Variants in COL25A1 observed in about 807,000 individuals in gnomAD.
The protein encoded by COL25A1 is collagen type XXV alpha 1 chain.
COL25A1 carries 103 observed loss-of-function variants against 128.4 expected under a neutral mutation model. The observed-to-expected ratio is 0.80, with a 90% confidence interval of 0.68 to 0.94. The LOEUF (loss-of-function observed/expected upper bound fraction) is 0.94. Ranked by LOEUF, COL25A1 falls within the 40% of genes least tolerant of loss-of-function variation. The pLI, the probability that COL25A1 is intolerant of heterozygous loss-of-function variation, is 0.00. For missense variants in COL25A1, 745 were observed against 840.0 expected (o/e 0.89, Z 1.40); for synonymous variants, 279 against 277.2 (o/e 1.01, Z -0.06).
At chr4:108,921,389 A>T (rs1249155303) in intron 11 of COL25A1, among the ~76,000 whole-genome samples, 2 of 89,998 alleles carry the variant, frequency 2.2e-5, no homozygotes, top group Non-Finnish European at 5.1e-5. Context: ...ACTCAAAGAG[A>T]TATAGCTATA....
Position 108,897,125 on chromosome 4 carries a change from C to T in COL25A1, c.862-414G>A, listed in dbSNP as rs778071613. 4.6e-5 allele frequency among the ~76,000 whole-genome samples: 7 copies of T among 152,120 alleles called. No homozygotes were observed. The East Asian group carries it at 5.8e-4, about 13-fold the overall frequency. ...CACCTGGATCCCTCCCCTCTCTTTC[C>T]CTTTCCATCTGTATAAATCCTGTCC... On this transcript the variant is annotated intron_variant, in intron 15 of 37. Transcript: ENST00000399132.
At chr4:109,004,253 C>T (rs1335599022) in intron 6 of COL25A1, among the ~76,000 whole-genome samples, 3 of 152,128 alleles carry the variant, frequency 2.0e-5, no homozygotes, top group African/African-American at 7.2e-5. Context: ...TAACAATCTA[C>T]GCTGTCTTCA....
intron 11 of COL25A1, among the ~76,000 whole-genome samples, chr4:108,927,636 T>C (rs2125910487): frequency 6.6e-6 from 1 of 152,278 alleles, no homozygotes; most frequent in Admixed American, 6.5e-5. Flanking sequence ...TTCATGAGCA[T>C]TTGATGAAAA....
rs998405154 is a variant in COL25A1 at position 109,183,115 on chromosome 4, A to G, written c.367+117468T>C. 8.5e-5 allele frequency among the ~76,000 whole-genome samples: 13 copies of G among 152,242 alleles called. 1 individual carries two copies. Among genetic ancestry groups the G allele is most frequent in the Admixed American group, 7.9e-4 (12 of 15,282 alleles). The stretch of plus-strand genomic sequence containing the variant: ...CTATAATGTATTAGCCATATATGAC[A>G]TTAACCTCAGTAATATAGTGTCAGA... On this transcript the variant is annotated intron_variant, in intron 3 of 37. Transcript: ENST00000399132.
chr4:108,887,568 C>T (rs957164047), intron 18 of COL25A1, among the ~76,000 whole-genome samples: 2 of 152,086 alleles, frequency 1.3e-5, no homozygotes, highest in African/African-American at 4.8e-5. Flanking sequence ...CATACTCATT[C>T]AGGAGGACTG....
At chr4:109,097,887 C>T (rs935573677) in intron 3 of COL25A1, among the ~76,000 whole-genome samples, 1 of 151,906 alleles carries the variant, frequency 6.6e-6, no homozygotes, top group African/African-American at 2.4e-5. Context: ...TGGTCTCAAT[C>T]TCTTGACCTC....
chr4:109,147,928 A>T (rs1343151907), intron 3 of COL25A1, among the ~76,000 whole-genome samples: 2 of 152,180 alleles, frequency 1.3e-5, no homozygotes, highest in Admixed American at 6.5e-5. Context: ...GAGAGAATAA[A>T]TTGTTTTTAC....
chr4:109,248,591 C>A (rs895243833), intron 3 of COL25A1, among the ~76,000 whole-genome samples: 8 of 152,164 alleles, frequency 5.3e-5, no homozygotes, highest in Non-Finnish European at 1.2e-4. Context: ...TGAAAATAAG[C>A]ATCCATCTAT....
intron 3 of COL25A1, among the ~76,000 whole-genome samples, chr4:109,291,367 T>C (rs1038613381): frequency 2.0e-5 from 3 of 152,258 alleles, no homozygotes; most frequent in East Asian, 1.9e-4. Flanking sequence ...ACTACTTATG[T>C]GCAATTCATG....
intron 3 of COL25A1, among the ~76,000 whole-genome samples, chr4:109,292,330 G>T (rs1280436535): frequency 2.0e-5 from 3 of 152,044 alleles, no homozygotes; most frequent in Admixed American, 6.6e-5. Context: ...TAATCTCCGA[G>T]ATTTGTATTA....
intron 3 of COL25A1, among the ~76,000 whole-genome samples, chr4:109,055,060 C>T (rs373600317): frequency 6.6e-6 from 1 of 152,158 alleles, no homozygotes; most frequent in Admixed American, 6.5e-5. Flanking sequence ...ACCTTACAAG[C>T]AGGCACAGAT....
At chr4:108,904,352 C>A (rs1324129160) in intron 13 of COL25A1, among the ~76,000 whole-genome samples, 1 of 152,018 alleles carries the variant, frequency 6.6e-6, no homozygotes, top group Non-Finnish European at 1.5e-5. Flanking sequence ...TAGGTGGCAT[C>A]TAATTGAGTT....
chr4:109,104,463 C>T (rs1263849015), intron 3 of COL25A1, among the ~76,000 whole-genome samples: 1 of 151,788 alleles, frequency 6.6e-6, no homozygotes, highest in African/African-American at 2.4e-5. Flanking sequence ...TCAATGTTTA[C>T]TAAAGTCAGA....
intron 3 of COL25A1, among the ~76,000 whole-genome samples, chr4:109,149,942 ATGTG>A (rs113005218): frequency 8.7e-5 from 13 of 148,670 alleles, no homozygotes; most frequent in Non-Finnish European, 1.3e-4. Context: ...ATGTGTATGT[ATGTG>A]TGTGTGTGTG....
chr4:109,210,570 C>A (rs549972385), intron 3 of COL25A1, among the ~76,000 whole-genome samples: 5 of 152,144 alleles, frequency 3.3e-5, no homozygotes, highest in Non-Finnish European at 7.4e-5. Context: ...AACATTTACA[C>A]AGTGGGTGAA....
chr4:108,860,896 A>G, intron 23 of COL25A1, 31 bp downstream of exon 23: 1 of 1,608,484 alleles, frequency 6.2e-7, no homozygotes, highest in Non-Finnish European at 8.5e-7. Flanking sequence ...TGTAGGGAGC[A>G]AAAGTTTAGA....
chr4:108,882,024 A>G (rs900489085), intron 19 of COL25A1, among the ~76,000 whole-genome samples: 2 of 152,170 alleles, frequency 1.3e-5, no homozygotes, highest in African/African-American at 4.8e-5. Flanking sequence ...AAACAAAAGA[A>G]AATATCAGAG....
At chr4:108,968,569 C>T (rs1751576318) in intron 8 of COL25A1, among the ~76,000 whole-genome samples, 1 of 151,672 alleles carries the variant, frequency 6.6e-6, no homozygotes, top group Admixed American at 6.6e-5. Flanking sequence ...TTTGCTGACA[C>T]TCCTTCCTTC....
chr4:108,891,159 T>G (rs1319628506), intron 16 of COL25A1, among the ~76,000 whole-genome samples: 1 of 152,154 alleles, frequency 6.6e-6, no homozygotes, highest in Non-Finnish European at 1.5e-5. Flanking sequence ...AAAAGAATTT[T>G]TAAACAGGTT....
Sources: allele counts gnomAD v4.1 joint callset (sites outside exome capture counted in the v4.1 genomes callset), GRCh38; gene constraint gnomAD v4.1.1; transcripts MANE v1.5; gene names NCBI Gene and HGNC (gene_info 2026-07-23, HGNC 2026-07-21).